Variants in EFCAB6 observed in about 807,000 individuals in gnomAD.
EFCAB6 encodes EF-hand calcium binding domain 6, also known as EF-hand calcium-binding domain-containing protein 6.
A neutral mutation model predicts 169.8 loss-of-function variants in EFCAB6; 156 were observed. The ratio of observed to expected loss-of-function variants is 0.92; its 90% CI spans 0.81 to 1.05. EFCAB6 has a LOEUF of 1.05. EFCAB6 is among the 50% of genes least tolerant of loss of function. The pLI, the probability that EFCAB6 is intolerant of heterozygous loss-of-function variation, is 0.00. For synonymous variants in EFCAB6, 698 were observed against 676.4 expected (o/e 1.03, Z -0.50); for missense variants, 1,800 against 1,829.1 (o/e 0.98, Z 0.29).
intron 26 of EFCAB6, among the ~76,000 whole-genome samples, chr22:43,570,464 C>T (rs2049781040): frequency 6.6e-6 from 1 of 152,134 alleles, no homozygotes; most frequent in African/African-American, 2.4e-5. Flanking sequence ...CAAGGTGATA[C>T]TCTACACTTT....
At chr22:43,796,176 C>T (rs2062502600) in intron 2 of EFCAB6, among the ~76,000 whole-genome samples, 1 of 152,146 alleles carries the variant, frequency 6.6e-6, no homozygotes, top group Non-Finnish European at 1.5e-5. Context: ...ACTCATCCCT[C>T]TACTGAGAAC....
intron 2 of EFCAB6, among the ~76,000 whole-genome samples, chr22:43,803,593 T>C (rs771397457): frequency 8.5e-5 from 13 of 152,070 alleles, no homozygotes; most frequent in Non-Finnish European, 1.8e-4. Context: ...TATATAATGA[T>C]AAAGGGATCA....
At chr22:43,669,463 A>G (rs2057394489) in intron 15 of EFCAB6, among the ~76,000 whole-genome samples, 1 of 152,252 alleles carries the variant, frequency 6.6e-6, no homozygotes, top group African/African-American at 2.4e-5. Context: ...ATAAAGCCAG[A>G]CAAAAAAGAG....
chr22:43,802,550 A>G (rs2062763054), intron 2 of EFCAB6: 6 of 357,412 alleles, frequency 1.7e-5, no homozygotes, highest in South Asian at 1.2e-4. Context: ...AAAAGATAAA[A>G]CCAAGATGAA....
intron 26 of EFCAB6, among the ~76,000 whole-genome samples, chr22:43,556,947 C>T (rs1038626788): frequency 6.6e-5 from 10 of 152,338 alleles, no homozygotes; most frequent in Middle Eastern, 3.4e-3. Context: ...CCCAAATACA[C>T]GAGCATGTCC....
In EFCAB6 at chr22:43,744,685, T is replaced by A. The variant is rs1191746197; in HGVS notation, c.508-8692A>T. The stretch of plus-strand genomic sequence containing the variant: ...TCTTCCTCAACAGGAAACCATGAAG[T>A]TCAGAGGCCCCCAAAGCACTGTCCT... On this transcript the variant is annotated intron_variant, in intron 6 of 31. Transcript: ENST00000262726. This position sits in a 1 kb window ranked among gnomAD's most constrained non-coding sequence, Gnocchi z 4.3. Among the ~76,000 whole-genome samples the A allele has an allele frequency of 6.6e-6, 1 of 151,908 alleles. No homozygotes were observed. Among genetic ancestry groups the A allele is most frequent in the Non-Finnish European group, 1.5e-5 (1 of 67,978 alleles).
chr22:43,576,496 GAAAGA>G lies in EFCAB6; in HGVS notation c.3229-13_3229-9del. ...ATCCAATGCAGAAAATGCCTAAAAA[GAAAGA>G]AAAGAAAAAAAGATGGCAAATCCTG... is the stretch of plus-strand genomic sequence containing the variant. On this transcript the variant is annotated splice_polypyrimidine_tract_variant and intron_variant, in intron 25 of 31. Coordinates refer to ENST00000262726, the MANE Select transcript of EFCAB6 (RefSeq NM_022785.4). 1 of 1,507,012 alleles carries G rather than the reference GAAAGA, an allele frequency of 6.6e-7. No individual in the cohort carries two copies. The highest frequency in any genetic ancestry group is 8.8e-7 in the Non-Finnish European group (1 of 1,135,530). 93.4% of individuals were successfully genotyped at this position (1,507,012 alleles called of 1,614,324 possible).
chr22:43,583,260 A>C (rs2050849549), intron 24 of EFCAB6, among the ~76,000 whole-genome samples: 1 of 151,474 alleles, frequency 6.6e-6, no homozygotes, highest in Non-Finnish European at 1.5e-5. Context: ...GGTTCTTTGT[A>C]TCCTTGTTTA....
At chr22:43,720,305 A>G (rs887684424) in intron 8 of EFCAB6, among the ~76,000 whole-genome samples, 3 of 151,850 alleles carry the variant, frequency 2.0e-5, no homozygotes, top group Non-Finnish European at 4.4e-5. Context: ...CCAGGAGTTC[A>G]AGACCAGCAT....
chr22:43,661,500 C>T (rs1603043298), intron 17 of EFCAB6, among the ~76,000 whole-genome samples: 2 of 152,310 alleles, frequency 1.3e-5, no homozygotes, highest in Admixed American at 6.5e-5. Flanking sequence ...GAGCAACGAA[C>T]GGAGACAGGG....
chr22:43,608,941 A>G (rs2053114642), intron 21 of EFCAB6, among the ~76,000 whole-genome samples: 2 of 152,210 alleles, frequency 1.3e-5, no homozygotes, highest in South Asian at 4.1e-4. Context: ...CCTCATCTCA[A>G]TGATGGTTTG....
chr22:43,537,211 G>T lies in EFCAB6; in HGVS notation c.4048+166C>A, dbSNP rs1357384229. On this transcript the variant is annotated intron_variant, in intron 29 of 31. Coordinates refer to ENST00000262726, the MANE Select transcript of EFCAB6 (RefSeq NM_022785.4). This position sits in a 1 kb window ranked among gnomAD's most constrained non-coding sequence, Gnocchi z 4.3. ...CGGGTAGTCGGAATCCTCCTCCATG[G>T]GGACCTTTGTATAGTAAGCTGCACA... The T allele has an allele frequency of 2.6e-6, 2 of 783,354 alleles. No individual in the cohort carries two copies. The highest frequency in any genetic ancestry group is 1.7e-5 in the African/African-American group (1 of 57,988). The allele number at this position is 783,354 out of a possible 1,614,324, so 48.5% of individuals were successfully genotyped here. A position where few individuals can be genotyped will look rare whatever the true frequency, so the allele number is the denominator to read the frequency against.
chr22:43,752,556 C>T (rs1212346005), intron 6 of EFCAB6, among the ~76,000 whole-genome samples: 2 of 152,134 alleles, frequency 1.3e-5, no homozygotes, highest in Admixed American at 6.5e-5. Flanking sequence ...TGGCTGCTGG[C>T]GGGAACCAAT....
chr22:43,563,004 G>C lies in EFCAB6; in HGVS notation c.3421-7908C>G, dbSNP rs2049166213. Among the ~76,000 whole-genome samples, 3 of 152,294 alleles carry C rather than the reference G, an allele frequency of 2.0e-5. No homozygotes were observed. The South Asian group carries it at 6.2e-4, about 32-fold the overall frequency. ...TGCTATCTGGGACGAGCCCTTCAGG[G>C]AGGCACAGTGCTGGGATTCCCAGCC... On this transcript the variant is annotated intron_variant, in intron 26 of 31. Transcript: ENST00000262726.
intron 8 of EFCAB6, among the ~76,000 whole-genome samples, chr22:43,728,642 T>G (rs928613779): frequency 3.3e-5 from 5 of 152,250 alleles, no homozygotes; most frequent in African/African-American, 1.2e-4. Context: ...TGGTTTTGAT[T>G]TGCATTTCTC....
In EFCAB6 at chr22:43,590,155, A is replaced by G. The variant is rs773688468; in HGVS notation, c.2951T>C (p.Ile984Thr). The change falls in exon 24 of 32, where the codon ATA (isoleucine) becomes ACA (threonine). Residue 984 changes from isoleucine (I) to threonine (T), a missense_variant. Coordinates refer to ENST00000262726, the MANE Select transcript of EFCAB6 (RefSeq NM_022785.4). ...CACTTCCTGCATCTTGCATATGGAT[A>G]TGTAGTTGGTTTTGGATTGATCAGT... ...TKTDQSKTNYISICKMQEVLE... is the reference protein window; with the variant it reads ...TKTDQSKTNYTSICKMQEVLE... 7.4e-6 allele frequency: 12 copies of G among 1,614,100 alleles called. No homozygotes were observed. In the African/African-American group the frequency reaches 1.3e-4, roughly 18 times the overall value.
rs574675342 is a variant in EFCAB6, at chr22:43,661,211, C to CA, written c.1983+5892dup. ...GCAACATAGTGAGACCTCATCTCTA[C>CA]AAAAAAATTTTTAAAAATTATTCAG... On this transcript the variant is annotated intron_variant, in intron 17 of 31. Coordinates refer to ENST00000262726, the MANE Select transcript of EFCAB6 (RefSeq NM_022785.4). Among the ~76,000 whole-genome samples, 312 of 151,964 alleles carry CA rather than the reference C, an allele frequency of 2.1e-3. 1 individual carries two copies. Among genetic ancestry groups the CA allele is most frequent in the African/African-American group, 7.3e-3 (303 of 41,470 alleles).
Position 43,672,322 on chromosome 22 carries a change from A to C in EFCAB6, c.1420-17T>G, listed in dbSNP as rs1303652423. 1 of 1,613,270 alleles carries C rather than the reference A, an allele frequency of 6.2e-7. No homozygotes were observed. The highest frequency in any genetic ancestry group is 8.5e-7 in the Non-Finnish European group (1 of 1,179,428). On this transcript the variant is annotated splice_polypyrimidine_tract_variant and intron_variant, in intron 13 of 31. Coordinates refer to ENST00000262726, the MANE Select transcript of EFCAB6 (RefSeq NM_022785.4). ...CTTTCTCATCTAATTGGGAAAGAGAAAGTATATAAATAAATACCACTCATG... is the reference window on the plus strand; with the variant it reads ...CTTTCTCATCTAATTGGGAAAGAGACAGTATATAAATAAATACCACTCATG...
At chr22:43,633,172 CT>C (rs1411672776) in intron 18 of EFCAB6, among the ~76,000 whole-genome samples, 1 of 152,212 alleles carries the variant, frequency 6.6e-6, no homozygotes, top group African/African-American at 2.4e-5. Context: ...TCCAGGCTGT[CT>C]GATACTAAGA....
Sources: gnomAD v4.1 joint callset for allele counts (sites outside exome capture counted in the v4.1 genomes callset) on GRCh38, gnomAD v4.1.1 for gene constraint, Gnocchi (gnomAD v3.1) non-coding constraint, MANE v1.5 for transcripts, NCBI Gene and HGNC (gene_info 2026-07-23, HGNC 2026-07-21) for gene names.